NEB: variants seen among roughly 807,000 people sequenced by gnomAD.
The protein encoded by NEB is nemaline myopathy type 2.
Under a neutral mutation model 952.2 loss-of-function variants are expected in NEB, and 512 were observed. That is an observed-to-expected ratio of 0.54 (90% CI 0.50 to 0.58). NEB has a LOEUF of 0.58. Among genes scored for constraint, NEB ranks in the 20% least tolerant of loss-of-function variants. The probability of loss-of-function intolerance (pLI) is 0.00; values close to 1 mark genes in which losing one functional copy is unlikely to be tolerated. For synonymous variants in NEB, 2,900 were observed against 3,149.8 expected (o/e 0.92, Z 2.66); for missense variants, 8,428 against 9,231.1 (o/e 0.91, Z 3.56).
At chr2:151,529,685 C>T (rs1218262133) in intron 145 of NEB, among the ~76,000 whole-genome samples, 1 of 152,144 alleles carries the variant, frequency 6.6e-6, no homozygotes, top group East Asian at 1.9e-4. Flanking sequence ...CATGCGCCAC[C>T]TCACCCGGCT....
At chr2:151,506,732 A>C (rs779543479) in intron 163 of NEB, among the ~76,000 whole-genome samples, 177 bp downstream of exon 163, 1 of 152,114 alleles carries the variant, frequency 6.6e-6, no homozygotes, top group Non-Finnish European at 1.5e-5. Context: ...AAGTTATTTC[A>C]AATGGTCTCT....
chr2:151,499,411 TC>T, intron 168 of NEB, 21 bp from the exon 169 acceptor site: 1 of 1,428,982 alleles, frequency 7.0e-7, no homozygotes, highest in Non-Finnish European at 9.6e-7. Flanking sequence ...CAAGAAAGCA[TC>T]CAGAAAAAAC....
At chr2:151,494,627 CTGTT>C (rs758679628) in intron 173 of NEB, among the ~76,000 whole-genome samples, 14 of 151,938 alleles carry the variant, frequency 9.2e-5, no homozygotes, top group Non-Finnish European at 1.3e-4. Flanking sequence ...AATACATCAG[CTGTT>C]TGTTTTTTTT....
chr2:151,689,460 C>A (rs1489695034), intron 24 of NEB: 2 of 152,204 alleles, frequency 1.3e-5, no homozygotes, highest in Non-Finnish European at 2.9e-5. Context: ...CTGCCTCAGC[C>A]TCCCAAAGTG....
intron 13 of NEB, among the ~76,000 whole-genome samples, chr2:151,702,288 A>C (rs1431551911): frequency 6.6e-6 from 1 of 152,018 alleles, no homozygotes; most frequent in Non-Finnish European, 1.5e-5. Context: ...ACTTCCAAGT[A>C]TGTGGTCAAT....
rs762280275 is a variant in NEB, at chr2:151,616,136, T to C, written c.11182-27A>G. ...TGTAGAAAAGAAAGTCATTACTCAT[T>C]TACTCCTTCCATAAAAAGTGAAGCT... On this transcript the variant is annotated intron_variant, in intron 75 of 181. Transcript: ENST00000397345. 5 of 1,454,894 alleles carry C rather than the reference T, an allele frequency of 3.4e-6. No homozygotes were observed. The African/African-American group carries it at 7.0e-5, about 20-fold the overall frequency. The allele number at this position is 1,454,894 out of a possible 1,614,324, so 90.1% of individuals were successfully genotyped here.
Position 151,528,662 on chromosome 2 carries a change from AT to A in NEB, c.21735+547del, listed in dbSNP as rs546188898. On this transcript the variant is annotated intron_variant, in intron 146 of 181. Coordinates refer to ENST00000397345, the MANE Select transcript of NEB (RefSeq NM_001164508.2). ...GTTACAATGGTTTCATTGTATAACCATTTAATATATTTTTAAGAAGTCAGTG... is the reference window on the plus strand; with the variant it reads ...GTTACAATGGTTTCATTGTATAACCATTAATATATTTTTAAGAAGTCAGTG... 5.3e-5 allele frequency among the ~76,000 whole-genome samples: 8 copies of A among 152,306 alleles called. No homozygotes were observed. The South Asian group carries it at 1.7e-3, about 32-fold the overall frequency.
At chr2:151,506,085 G>T in intron 164 of NEB, 81 bp downstream of exon 164, 1 of 1,199,638 alleles carries the variant, frequency 8.3e-7, no homozygotes, top group Non-Finnish European at 1.2e-6. Flanking sequence ...GGTGACAGAG[G>T]CTTTGAGTGC....
intron 13 of NEB, among the ~76,000 whole-genome samples, chr2:151,701,551 T>C (rs1240016793): frequency 2.6e-5 from 4 of 151,524 alleles, no homozygotes; most frequent in Non-Finnish European, 4.4e-5. Flanking sequence ...GCTCCTGTTA[T>C]TGGTCTATTC....
chr2:151,682,568 G>A (rs1284057417), intron 29 of NEB, 94 bp downstream of exon 29: 3 of 1,035,594 alleles, frequency 2.9e-6, no homozygotes, highest in Non-Finnish European at 2.9e-6. Context: ...AACAGTGACT[G>A]AGAATGAAGC....
chr2:151,538,108 C>A, intron 139 of NEB, 32 bp downstream of exon 139: 1 of 1,552,210 alleles, frequency 6.4e-7, no homozygotes. Context: ...AGTTGTAGAG[C>A]CCAACACAAG....
intron 6 of NEB, 91 bp from the exon 7 acceptor site, chr2:151,725,052 A>G (rs546186930): frequency 1.4e-4 from 134 of 951,666 alleles, no homozygotes; most frequent in Admixed American, 5.9e-4. Flanking sequence ...CATTACCCCA[A>G]TGACTCTAGG....
intron 78 of NEB, 37 bp from the exon 79 acceptor site, chr2:151,610,903 A>T (rs1174018916): frequency 6.1e-6 from 8 of 1,315,116 alleles, no homozygotes; most frequent in Non-Finnish European, 8.4e-6. Context: ...GGGGAGAGGG[A>T]GGGAGTATAA....
Position 151,514,913 on chromosome 2 carries a change from C to A in NEB, c.22921G>T (p.Asp7641Tyr), listed in dbSNP as rs1342856424. 6.4e-7 allele frequency: 1 copy of A among 1,568,642 alleles called. No homozygotes were observed. Among genetic ancestry groups the A allele is most frequent in the Non-Finnish European group, 8.7e-7 (1 of 1,154,096 alleles). Residue 7641 changes from aspartate to tyrosine, a missense_variant, in exon 158 of 182, where the codon GAT becomes TAT. By Grantham distance (160) the Asp-to-Tyr change is radical. Coordinates refer to ENST00000397345, the MANE Select transcript of NEB (RefSeq NM_001164508.2). ...QMQSGKEYRK[D>Y]YEESIKGRNL... The stretch of plus-strand genomic sequence containing the variant: ...CTGCCTTTAATGGACTCTTCATAAT[C>A]TTTCCTATATTCTTTCTAATGTAAG...
At chr2:151,497,597 G>A in intron 171 of NEB, 29 bp downstream of exon 171, 2 of 1,545,750 alleles carry the variant, frequency 1.3e-6, no homozygotes, top group Non-Finnish European at 1.7e-6. Context: ...CATTAAATAA[G>A]TAGTTTTTTT....
At chr2:151,512,350 A>C (rs191918237) in intron 161 of NEB, among the ~76,000 whole-genome samples, 80 of 147,916 alleles carry the variant, frequency 5.4e-4, no homozygotes, top group African/African-American at 1.7e-3. Context: ...TTTTTTTTTT[A>C]AGAGTCTCAC....
intron 24 of NEB, 91 bp downstream of exon 24, chr2:151,690,636 G>A (rs1487986131): frequency 4.5e-6 from 4 of 893,136 alleles, no homozygotes; most frequent in African/African-American, 1.7e-5. Flanking sequence ...GATGGTAGAT[G>A]AGCCCATGAA....
At chr2:151,733,285 G>A (rs2099813350) in intron 2 of NEB, 100 bp from the exon 3 acceptor site, 1 of 859,016 alleles carries the variant, frequency 1.2e-6, no homozygotes, top group African/African-American at 1.7e-5. Context: ...CTAAACTATT[G>A]TACAAATTCA....
chr2:151,689,911 T>C (rs574636914), intron 24 of NEB: 35 of 152,354 alleles, frequency 2.3e-4, no homozygotes, highest in African/African-American at 8.2e-4. Flanking sequence ...AGCTAATTTG[T>C]GTCATTAAAA....
Sources: gnomAD v4.1 joint callset for allele counts (sites outside exome capture counted in the v4.1 genomes callset) on GRCh38, gnomAD v4.1.1 for gene constraint, MANE v1.5 for transcripts, NCBI Gene and HGNC (gene_info 2026-07-23, HGNC 2026-07-21) for gene names.